NUP133: variants seen among roughly 807,000 people sequenced by gnomAD.
NUP133 encodes nuclear pore complex protein Nup133.
NUP133 carries 66 observed loss-of-function variants against 146.2 expected under a neutral mutation model. The observed-to-expected ratio is 0.45, with a 90% CI of 0.37 to 0.55. The LOEUF is 0.55. Ranked by LOEUF, NUP133 falls within the 20% of genes least tolerant of loss-of-function variation. The probability of loss-of-function intolerance (pLI) is 0.00; values close to 1 mark genes in which losing one functional copy is unlikely to be tolerated. For synonymous variants in NUP133, 521 were observed against 498.8 expected (o/e 1.04, Z -0.59); for missense variants, 1,277 against 1,374.8 (o/e 0.93, Z 1.12).
chr1:229,506,449 G>GT (rs35852954), intron 1 of NUP133, among the ~76,000 whole-genome samples: 12,157 of 107,326 alleles, frequency 0.11, 812 homozygotes, highest in African/African-American at 0.22. Flanking sequence ...CTAGACCAGT[G>GT]TTTTTTTTTT....
At position 229,452,587 on chromosome 1, in the gene NUP133, G is replaced by C; in HGVS notation, c.3037C>G (p.Leu1013Val). 6.2e-7 allele frequency: 1 copy of C among 1,613,980 alleles called. No homozygotes were observed. Among genetic ancestry groups the C allele is most frequent in the Middle Eastern group, 1.7e-4 (1 of 6,060 alleles). The change falls in exon 22 of 26, where the codon CTG becomes GTG. Residue 1013 changes from leucine to valine, a missense_variant. Transcript: ENST00000261396. ...CTGAGATTTAGCTGTTTCTCCGCCA[G>C]CAGCTGTTCAGGTAGGGTCTCCTGA... The part of the protein sequence containing the change: ...LHQETLPEQL[L>V]AEKQLNLSAM...
chr1:229,449,918 C>T (rs1396761840), intron 23 of NUP133, among the ~76,000 whole-genome samples: 3 of 125,298 alleles, frequency 2.4e-5, no homozygotes, highest in African/African-American at 6.2e-5. Context: ...CTCACTCTGT[C>T]GCCCAGGCTT....
At position 229,485,997 on chromosome 1, in the gene NUP133, T is replaced by C. The variant is rs1451726828; in HGVS notation, c.1500+374A>G. ...AGGCAACATAAGGAGATCCTGTCTC[T>C]ACAAAAAATAAAAAATTAGCCAGGT... On this transcript the variant is annotated intron_variant, in intron 11 of 25. Coordinates refer to ENST00000261396, the MANE Select transcript of NUP133 (RefSeq NM_018230.3). Among the ~76,000 whole-genome samples, 7 of 152,170 alleles carry C rather than the reference T, an allele frequency of 4.6e-5. No individual in the cohort carries two copies. In the East Asian group the frequency reaches 9.7e-4, roughly 21 times the overall value.
At chr1:229,470,901 T>C in intron 14 of NUP133, 97 bp from the exon 15 acceptor site, 5 of 1,013,164 alleles carry the variant, frequency 4.9e-6, no homozygotes, top group Non-Finnish European at 7.4e-6. Context: ...GGGCAGTCAC[T>C]GGCCCCAGCT....
intron 21 of NUP133, among the ~76,000 whole-genome samples, chr1:229,453,061 G>A (rs1361168131): frequency 6.6e-6 from 1 of 152,046 alleles, no homozygotes; most frequent in Non-Finnish European, 1.5e-5. Context: ...TAACAAGGGG[G>A]ATGGGCCACT....
Position 229,464,713 on chromosome 1 carries a change from T to C in NUP133, c.2462A>G (p.Lys821Arg). The C allele has an allele frequency of 6.2e-7, 1 of 1,614,238 alleles. No homozygotes were observed. Among genetic ancestry groups the C allele is most frequent in the Non-Finnish European group, 8.5e-7 (1 of 1,180,048 alleles). The change falls in exon 18 of 26, where the codon AAG (lysine) becomes AGG (arginine). Residue 821 changes from lysine to arginine, a missense_variant. Transcript: ENST00000261396. ...CCGATTACTGGATTTATCCACAGAC[T>C]TAAGCTGAGAAACATAACCATCCAG... ...CFLDGYVSQL[K>R]SVDKSSNRER...
intron 19 of NUP133, among the ~76,000 whole-genome samples, chr1:229,461,929 C>T (rs1571913357): frequency 6.6e-6 from 1 of 151,284 alleles, no homozygotes; most frequent in Middle Eastern, 3.4e-3. Flanking sequence ...TGTTGCCCAG[C>T]CTGGAGTGCA....
At chr1:229,465,375 A>G in intron 17 of NUP133, 45 bp downstream of exon 17, 2 of 1,431,744 alleles carry the variant, frequency 1.4e-6, no homozygotes, top group East Asian at 2.3e-5. Context: ...ATGATGGGTC[A>G]TTAGAAATAT....
chr1:229,441,906 A>G lies in NUP133; in HGVS notation c.3469T>C (p.Ter1157GlnextTer21), dbSNP rs1571899693. The change falls in exon 26 of 26, where the codon TAA becomes CAA. Residue 1157 changes from the stop codon to glutamine (Q), a stop_lost. Transcript: ENST00000261396. ...ACAATGGCCATTTTTAGAAAAAGTT[A>G]TATTTGTCCCTGAACATAATATTCA... is the stretch of plus-strand genomic sequence containing the variant. The part of the protein sequence containing the change: ...NYEYYVQGQI[*>Q] The G allele has an allele frequency of 1.3e-6, 2 of 1,563,332 alleles. No individual in the cohort carries two copies. Among genetic ancestry groups the G allele is most frequent in the Non-Finnish European group, 1.7e-6 (2 of 1,162,256 alleles).
At chr1:229,456,955 G>C (rs1183604577) in intron 21 of NUP133, among the ~76,000 whole-genome samples, 1 of 150,836 alleles carries the variant, frequency 6.6e-6, no homozygotes, top group East Asian at 2.0e-4. Flanking sequence ...AGCCTCCCCA[G>C]TAGCTGGGAC....
intron 2 of NUP133, among the ~76,000 whole-genome samples, chr1:229,505,219 A>G (rs1661903142): frequency 6.6e-6 from 1 of 152,162 alleles, no homozygotes; most frequent in African/African-American, 2.4e-5. Context: ...CAGTAATGCA[A>G]TGCTTATATT....
chr1:229,441,988 A>G lies in NUP133; in HGVS notation c.3387T>C (p.Asp1129=). Residue 1129 remains aspartate, a synonymous_variant, in exon 26 of 26, where the codon GAT becomes GAC. Transcript: ENST00000261396. ...GATTGGACTTTAAGCTTCCAAGCTGATCCGCTTGTAGCAGGTCTTTCACCT... is the reference window on the plus strand; with the variant it reads ...GATTGGACTTTAAGCTTCCAAGCTGGTCCGCTTGTAGCAGGTCTTTCACCT... ...LPEVKDLLQA[D]QLGSLKSNPY... is the part of the protein sequence containing the mutation. The G allele has an allele frequency of 6.3e-7, 1 of 1,593,062 alleles. No individual in the cohort carries two copies. Among genetic ancestry groups the G allele is most frequent in the Non-Finnish European group, 8.5e-7 (1 of 1,174,654 alleles).
intron 14 of NUP133, among the ~76,000 whole-genome samples, chr1:229,473,437 AGCAGCCGTGGAACTTC>A (rs1252185446): frequency 6.6e-6 from 1 of 152,194 alleles, no homozygotes; most frequent in Admixed American, 6.5e-5. Flanking sequence ...TACTGCTACC[AGCAGCCGTGGAACTTC>A]GTGAGGGTTC....
intron 9 of NUP133, among the ~76,000 whole-genome samples, chr1:229,488,476 G>A (rs371178574): frequency 7.2e-5 from 11 of 152,202 alleles, no homozygotes; most frequent in East Asian, 5.8e-4. Flanking sequence ...TATTAAATGC[G>A]AGGTCCTAGA....
chr1:229,508,278 G>T lies in NUP133; in HGVS notation c.-29C>A, dbSNP rs978240310. On this transcript the variant is annotated 5_prime_UTR_variant, in exon 1 of 26. Coordinates refer to ENST00000261396, the MANE Select transcript of NUP133 (RefSeq NM_018230.3). ...TCCAAGGAGCAGCGACTAGGACAGC[G>T]AGGGATCTGGCCGTCAGGTTGCAGC... 2.8e-6 allele frequency: 4 copies of T among 1,413,950 alleles called. No homozygotes were observed. Among genetic ancestry groups the T allele is most frequent in the East Asian group, 5.8e-5 (2 of 34,432 alleles). 87.6% of individuals were successfully genotyped at this position (1,413,950 alleles called of 1,614,324 possible).
At chr1:229,476,033 G>A (rs996680708) in intron 13 of NUP133, among the ~76,000 whole-genome samples, 7 of 151,870 alleles carry the variant, frequency 4.6e-5, no homozygotes, top group Admixed American at 1.3e-4. Context: ...GCTTGAACCC[G>A]GGGAGGTGGA....
chr1:229,507,508 T>TA (rs1285176962), intron 1 of NUP133, among the ~76,000 whole-genome samples: 1 of 150,546 alleles, frequency 6.6e-6, no homozygotes, highest in Non-Finnish European at 1.5e-5. Flanking sequence ...ACTATCACAG[T>TA]ACTCTTAGCT....
intron 19 of NUP133, among the ~76,000 whole-genome samples, chr1:229,462,638 G>A (rs1012701075): frequency 1.3e-5 from 2 of 151,880 alleles, no homozygotes; most frequent in South Asian, 2.1e-4. Flanking sequence ...TGGCTCACTG[G>A]CCTTGACCTC....
intron 15 of NUP133, 111 bp downstream of exon 15, chr1:229,470,469 T>C (rs1481626549): frequency 2.3e-6 from 2 of 877,634 alleles, no homozygotes; most frequent in Non-Finnish European, 3.5e-6. Flanking sequence ...CAATTTAAAA[T>C]TTCAGTGAGA....
Sources: gnomAD v4.1 joint callset for allele counts (sites outside exome capture counted in the v4.1 genomes callset) on GRCh38, gnomAD v4.1.1 for gene constraint, MANE v1.5 for transcripts, NCBI Gene and HGNC (gene_info 2026-07-23, HGNC 2026-07-21) for gene names.